The following DYNC2H1 variants were observed in gnomAD, a reference collection of about 807,000 sequenced individuals.
DYNC2H1 encodes dynein cytoplasmic 2 heavy chain 1.
In DYNC2H1, 410 loss-of-function variants were observed where a neutral mutation model predicts 570.0. The ratio of observed to expected loss-of-function variants is 0.72; its 90% CI spans 0.66 to 0.78. The LOEUF (loss-of-function observed/expected upper bound fraction) is 0.78, where lower values mean the gene tolerates loss of function less well. Among genes scored for constraint, DYNC2H1 ranks in the 30% least tolerant of loss-of-function variants. DYNC2H1 has a pLI of 0.00. For missense variants in DYNC2H1, 4,865 were observed against 5,046.4 expected (o/e 0.96, Z 1.09); for synonymous variants, 1,688 against 1,677.6 (o/e 1.01, Z -0.15).
chr11:103,120,809 C>CA lies in DYNC2H1; in HGVS notation c.1248+8dup. 1 of 1,439,742 alleles carries CA rather than the reference C, an allele frequency of 6.9e-7. No individual in the cohort carries two copies. Among genetic ancestry groups the CA allele is most frequent in the Non-Finnish European group, 9.2e-7 (1 of 1,089,410 alleles). The allele number at this position is 1,439,742 out of a possible 1,614,324, so 89.2% of individuals were successfully genotyped here. On this transcript the variant is annotated splice_region_variant and intron_variant, in intron 8 of 88. Coordinates refer to ENST00000375735, the MANE Select transcript of DYNC2H1 (RefSeq NM_001377.3). ...TCAAGACAGTCCACAGCAGGTAAAACATTGAGATATTTCACTTTTAATATT... is the reference window on the plus strand; with the variant it reads ...TCAAGACAGTCCACAGCAGGTAAAACAATTGAGATATTTCACTTTTAATATT...
chr11:103,294,140 C>A (rs11606787), intron 75 of DYNC2H1, among the ~76,000 whole-genome samples: 1 of 152,024 alleles, frequency 6.6e-6, no homozygotes, highest in Admixed American at 6.5e-5. Context: ...ATTGCATTTC[C>A]TCAAGACAGC....
At chr11:103,308,657 T>C (rs4559659) in intron 78 of DYNC2H1, among the ~76,000 whole-genome samples, 26,283 of 152,060 alleles carry the variant, frequency 0.17, 2,458 homozygotes, top group Admixed American at 0.26. Context: ...ACACTTTTCT[T>C]TGAGTGTGTG....
Position 103,184,963 on chromosome 11 carries a change from G to T in DYNC2H1, c.6545G>T (p.Cys2182Phe). ...AATGGTTTGTCACATCTACATGGTT[G>T]CAGAGATCATGACGAATTCATTATT... is the stretch of plus-strand genomic sequence containing the variant. ...VMNGLSHLHG[C>F]RDHDEFIINL... The change falls in exon 41 of 89, where the codon TGC (cysteine) becomes TTC (phenylalanine). Residue 2182 changes from cysteine to phenylalanine, a missense_variant. By Grantham distance (205) the Cys-to-Phe change is radical (BLOSUM62 -2). This residue lies in a region of DYNC2H1 where 231 missense variants were observed against 310.3 expected (regional missense o/e 0.74). Transcript: ENST00000375735. 5 of 1,611,224 alleles carry T rather than the reference G, an allele frequency of 3.1e-6. No individual in the cohort carries two copies. The highest frequency in any genetic ancestry group is 4.2e-6 in the Non-Finnish European group (5 of 1,178,086).
intron 82 of DYNC2H1, among the ~76,000 whole-genome samples, chr11:103,343,300 G>A (rs1248678227): frequency 6.6e-6 from 1 of 152,094 alleles, no homozygotes; most frequent in African/African-American, 2.4e-5. Context: ...TTGCCTCATG[G>A]GTCCTAACGC....
At chr11:103,251,908 A>G (rs1305820798) in intron 65 of DYNC2H1, among the ~76,000 whole-genome samples, 4 of 151,912 alleles carry the variant, frequency 2.6e-5, no homozygotes, top group African/African-American at 7.3e-5. Flanking sequence ...TATACACATC[A>G]TGTTTTCTTT....
intron 84 of DYNC2H1, among the ~76,000 whole-genome samples, chr11:103,431,910 G>A (rs780379527): frequency 2.6e-5 from 4 of 152,154 alleles, no homozygotes; most frequent in African/African-American, 9.6e-5. Context: ...AGAAGAATTG[G>A]GCCCTTTCTG....
chr11:103,259,567 T>A (rs1865187986), intron 69 of DYNC2H1, among the ~76,000 whole-genome samples: 1 of 152,092 alleles, frequency 6.6e-6, no homozygotes, highest in Non-Finnish European at 1.5e-5. Context: ...TATAAATAAT[T>A]AAAATGGCCT....
rs57040929 is a variant in DYNC2H1 at position 103,288,684 on chromosome 11, TAAAAAAAA to T, written c.11095+1098_11095+1105del. On this transcript the variant is annotated intron_variant, in intron 75 of 88. Transcript: ENST00000375735. ...CTACATGGTGAAACCCCGTCTCTAC[TAAAAAAAA>T]AAAAAAAAAAAAAAAAAAGAAAAGA... 1.2e-3 allele frequency among the ~76,000 whole-genome samples: 34 copies of T among 27,912 alleles called. 1 individual carries two copies. Among genetic ancestry groups the T allele is most frequent in the African/African-American group, 4.6e-3 (29 of 6,304 alleles). 18.3% of individuals were successfully genotyped at this position (27,912 alleles called of 152,430 possible). A position where few individuals can be genotyped will look rare whatever the true frequency, so the allele number is the denominator to read the frequency against.
intron 15 of DYNC2H1, among the ~76,000 whole-genome samples, chr11:103,134,630 A>G (rs973522291): frequency 6.6e-6 from 1 of 152,156 alleles, no homozygotes; most frequent in Non-Finnish European, 1.5e-5. Flanking sequence ...AAGTTCCTGT[A>G]GTGTCTTATG....
rs12273899 is a variant in DYNC2H1 at position 103,209,179 on chromosome 11, C to T, written c.8455-697C>T. Among the ~76,000 whole-genome samples, 5,098 of 151,938 alleles carry T rather than the reference C, an allele frequency of 0.034. 291 individuals carry two copies. Among genetic ancestry groups the T allele is most frequent in the African/African-American group, 0.12 (4,839 of 41,436 alleles). On this transcript the variant is annotated intron_variant, in intron 52 of 88. Transcript: ENST00000375735. This position sits in a 1 kb window ranked among gnomAD's most constrained non-coding sequence, Gnocchi z 4.2. ...TTACCAAGATCACTTGTGTTTTCTT[C>T]TTGCTGGTAACTTCAGCTCTATCAG...
intron 75 of DYNC2H1, among the ~76,000 whole-genome samples, chr11:103,292,095 AGAC>A (rs1205004031): frequency 1.3e-5 from 2 of 151,790 alleles, no homozygotes; most frequent in Admixed American, 6.6e-5. Context: ...TTTTAGGAAA[AGAC>A]TAACTACGGC....
rs1354254052 is a variant in DYNC2H1, at chr11:103,129,855, A to C, written c.1953+850A>C. Among the ~76,000 whole-genome samples, 1 of 152,036 alleles carries C rather than the reference A, an allele frequency of 6.6e-6. No individual in the cohort carries two copies. Among genetic ancestry groups the C allele is most frequent in the African/African-American group, 2.4e-5 (1 of 41,404 alleles). ...GGTATATACCATTTTATTTTTTTCT[A>C]TTTGAAAGTGGATAACTAGTTGTGT... is the stretch of plus-strand genomic sequence containing the variant. On this transcript the variant is annotated intron_variant, in intron 13 of 88. Coordinates refer to ENST00000375735, the MANE Select transcript of DYNC2H1 (RefSeq NM_001377.3). This position sits in a 1 kb window ranked among gnomAD's most constrained non-coding sequence, Gnocchi z 4.1.
At chr11:103,456,019 T>C (rs1256837371) in intron 86 of DYNC2H1, among the ~76,000 whole-genome samples, 2 of 152,038 alleles carry the variant, frequency 1.3e-5, no homozygotes, top group Non-Finnish European at 2.9e-5. Flanking sequence ...TTGAGGGTCA[T>C]GGTCAAAACA....
chr11:103,215,971 A>G, intron 55 of DYNC2H1, 113 bp downstream of exon 55: 3 of 1,294,080 alleles, frequency 2.3e-6, no homozygotes, highest in Non-Finnish European at 3.1e-6. Flanking sequence ...TTGCTTATTC[A>G]TACTGAGTCA....
rs1269269225 is a variant in DYNC2H1 at position 103,289,457 on chromosome 11, C to T, written c.11095+1852C>T. Among the ~76,000 whole-genome samples the T allele has an allele frequency of 6.6e-6, 1 of 152,124 alleles. No individual in the cohort carries two copies. Among genetic ancestry groups the T allele is most frequent in the East Asian group, 1.9e-4 (1 of 5,180 alleles). On this transcript the variant is annotated intron_variant, in intron 75 of 88. Coordinates refer to ENST00000375735, the MANE Select transcript of DYNC2H1 (RefSeq NM_001377.3). This position sits in a 1 kb window ranked among gnomAD's most constrained non-coding sequence, Gnocchi z 4.2. ...GGTTAGGTCTGATCTCTTTCACTGT[C>T]ATAATTTCCTCAGTTATAATATTTG...
intron 75 of DYNC2H1, among the ~76,000 whole-genome samples, chr11:103,298,972 T>C (rs1217639278): frequency 1.3e-5 from 2 of 152,146 alleles, no homozygotes; most frequent in African/African-American, 4.8e-5. Flanking sequence ...CAAAATCTAC[T>C]ACGTTACTTT....
Position 103,259,991 on chromosome 11 carries a change from T to C in DYNC2H1, c.10695+14T>C. 7.3e-7 allele frequency: 1 copy of C among 1,374,152 alleles called. No individual in the cohort carries two copies. The highest frequency in any genetic ancestry group is 9.8e-7 in the Non-Finnish European group (1 of 1,022,018). 85.1% of individuals were successfully genotyped at this position (1,374,152 alleles called of 1,614,324 possible). ...TGTCTATTTAAGGTAAGAAGCATCATATTTTTCAAATATAAAATACTACTT... is the reference window on the plus strand; with the variant it reads ...TGTCTATTTAAGGTAAGAAGCATCACATTTTTCAAATATAAAATACTACTT... On this transcript the variant is annotated intron_variant, in intron 70 of 88. Transcript: ENST00000375735.
At chr11:103,329,322 G>A (rs771336122) in intron 82 of DYNC2H1, among the ~76,000 whole-genome samples, 31 of 151,910 alleles carry the variant, frequency 2.0e-4, no homozygotes, top group Non-Finnish European at 3.2e-4. Flanking sequence ...GATGCTGGTT[G>A]TTCAGGGAGT....
intron 87 of DYNC2H1, 23 bp from the exon 88 acceptor site, chr11:103,468,566 T>A: frequency 6.4e-7 from 1 of 1,572,004 alleles, no homozygotes; most frequent in Non-Finnish European, 8.7e-7. Context: ...CATATTTTCA[T>A]GACATATTTG....
Sources: allele counts gnomAD v4.1 joint callset (sites outside exome capture counted in the v4.1 genomes callset), GRCh38; gene constraint gnomAD v4.1.1; regional missense constraint gnomAD v4.1.1; non-coding constraint Gnocchi (gnomAD v3.1); transcripts MANE v1.5; gene names NCBI Gene and HGNC (gene_info 2026-07-23, HGNC 2026-07-21).